TMEM119: variants seen among roughly 807,000 people sequenced by gnomAD.
TMEM119 encodes the protein transmembrane protein 119.
For synonymous variants in TMEM119, 182 were observed against 176.4 expected (o/e 1.03, Z -0.25); for missense variants, 410 against 381.0 (o/e 1.08, Z -0.63).
intron 1 of TMEM119, among the ~76,000 whole-genome samples, chr12:108,597,707 T>A (rs1218186980): frequency 6.6e-5 from 10 of 151,870 alleles, no homozygotes; most frequent in Admixed American, 5.2e-4. Context: ...CAGCCTGGCA[T>A]CCACTTGCAG....
At position 108,592,096 on chromosome 12, in the gene TMEM119, C is replaced by T. The variant is rs1254254528; in HGVS notation, c.288G>A (p.Met96Ile). 1.2e-6 allele frequency: 2 copies of T among 1,614,210 alleles called. No individual in the cohort carries two copies. Among genetic ancestry groups the T allele is most frequent in the East Asian group, 4.5e-5 (2 of 44,862 alleles). ...CCAGGGAGCCCACCACAGCAATCAG[C>T]ATCACGTACTGGCGGAAGAAGTCCA... The part of the protein sequence containing the change: ...GIVDFFRQYV[M>I]LIAVVGSLAF... Residue 96 changes from methionine (M) to isoleucine (I), a missense_variant, in exon 2 of 2, where the codon ATG (methionine) becomes ATA (isoleucine). By Grantham distance (10) the Met-to-Ile change is conservative. Coordinates refer to ENST00000392806, the MANE Select transcript of TMEM119 (RefSeq NM_181724.3). The surrounding 1 kb of genome is among the most constrained non-coding windows in gnomAD (Gnocchi z 4.3).
At chr12:108,595,260 ACACT>A (rs925490465) in intron 1 of TMEM119, among the ~76,000 whole-genome samples, 9 of 151,748 alleles carry the variant, frequency 5.9e-5, no homozygotes, top group African/African-American at 1.7e-4. Flanking sequence ...TACACGCCAC[ACACT>A]CACACACACA....
rs747326951 is a variant in TMEM119 at position 108,592,286 on chromosome 12, G to A, written c.98C>T (p.Thr33Met). 1.7e-5 allele frequency: 28 copies of A among 1,609,340 alleles called. No homozygotes were observed. Among genetic ancestry groups the A allele is most frequent in the Non-Finnish European group, 2.2e-5 (26 of 1,179,022 alleles). ...ACTACCCGCCACATCCTCCAGGAAC[G>A]TGGCCTTCAGGGGCACAGAGCGGGC... ...TDARSVPLKA[T>M]FLEDVAGSGE... Residue 33 changes from threonine to methionine, a missense_variant, in exon 2 of 2, where the codon ACG becomes ATG. By Grantham distance (81) the Thr-to-Met change is moderately conservative. Coordinates refer to ENST00000392806, the MANE Select transcript of TMEM119 (RefSeq NM_181724.3). This position sits in a 1 kb window ranked among gnomAD's most constrained non-coding sequence, Gnocchi z 4.3.
intron 1 of TMEM119, among the ~76,000 whole-genome samples, chr12:108,596,057 C>T (rs1031777153): frequency 1.3e-5 from 2 of 152,184 alleles, no homozygotes; most frequent in South Asian, 4.1e-4. Context: ...TAAGTTGGGA[C>T]AGGGTGACCA....
chr12:108,596,055 GACA>G (rs1280687279), intron 1 of TMEM119, among the ~76,000 whole-genome samples: 6 of 152,222 alleles, frequency 3.9e-5, no homozygotes, highest in African/African-American at 1.4e-4. Context: ...CGTAAGTTGG[GACA>G]GGGTGACCAC....
At chr12:108,596,685 G>A (rs1486093358) in intron 1 of TMEM119, among the ~76,000 whole-genome samples, 1 of 152,234 alleles carries the variant, frequency 6.6e-6, no homozygotes, top group East Asian at 1.9e-4. Context: ...TTTCCCATCT[G>A]TGGAATGAAG....
rs1240687740 is a variant in TMEM119, at chr12:108,589,958, C to T, written c.*1574G>A. 1 of 152,488 alleles carries T rather than the reference C, an allele frequency of 6.6e-6. No individual in the cohort carries two copies. Among genetic ancestry groups the T allele is most frequent in the Non-Finnish European group, 1.5e-5 (1 of 68,274 alleles). 9.4% of individuals were successfully genotyped at this position (152,488 alleles called of 1,614,324 possible). A position where few individuals can be genotyped will look rare whatever the true frequency, so the allele number is the denominator to read the frequency against. ...AGGGATGGGGGAGAGGACCTCCTGC[C>T]AGAGCCTCCCTAAAGCAGGACGGAG... On this transcript the variant is annotated 3_prime_UTR_variant, in exon 2 of 2. Transcript: ENST00000392806.
rs895010006 is a variant in TMEM119, at chr12:108,591,210, C to T, written c.*322G>A. On this transcript the variant is annotated 3_prime_UTR_variant, in exon 2 of 2. Coordinates refer to ENST00000392806, the MANE Select transcript of TMEM119 (RefSeq NM_181724.3). The surrounding 1 kb of genome is among the most constrained non-coding windows in gnomAD (Gnocchi z 4.2). ...AAATGCTGAGATTACAGGTGTGAGCCTCCACACCCAGCCTTGAGGGATGTT... is the reference window on the plus strand; with the variant it reads ...AAATGCTGAGATTACAGGTGTGAGCTTCCACACCCAGCCTTGAGGGATGTT... 2 of 275,998 alleles carry T rather than the reference C, an allele frequency of 7.2e-6. No homozygotes were observed. Among genetic ancestry groups the T allele is most frequent in the Non-Finnish European group, 1.3e-5 (2 of 148,602 alleles). 17.1% of individuals were successfully genotyped at this position (275,998 alleles called of 1,614,324 possible). A position where few individuals can be genotyped will look rare whatever the true frequency, so the allele number is the denominator to read the frequency against.
At position 108,591,507 on chromosome 12, in the gene TMEM119, CAGGGCTGGCAGCCCGGG is replaced by C. The variant is rs780813342; in HGVS notation, c.*8_*24del. ...GGTGACCACTTGGGGGCCCGACAGTCAGGGCTGGCAGCCCGGGAGGACTGTTAGACACTGGGGTGGAC... is the reference window on the plus strand; with the variant it reads ...GGTGACCACTTGGGGGCCCGACAGTCAGGACTGTTAGACACTGGGGTGGAC... On this transcript the variant is annotated 3_prime_UTR_variant, in exon 2 of 2. Coordinates refer to ENST00000392806, the MANE Select transcript of TMEM119 (RefSeq NM_181724.3). The surrounding 1 kb of genome is among the most constrained non-coding windows in gnomAD (Gnocchi z 4.2). The C allele has an allele frequency of 1.1e-5, 17 of 1,549,650 alleles. No individual in the cohort carries two copies. In the South Asian group the frequency reaches 1.9e-4, roughly 18 times the overall value.
At position 108,591,498 on chromosome 12, in the gene TMEM119, C is replaced by T; in HGVS notation, c.*34G>A. The T allele has an allele frequency of 6.5e-7, 1 of 1,538,188 alleles. No individual in the cohort carries two copies. The highest frequency in any genetic ancestry group is 8.7e-7 in the Non-Finnish European group (1 of 1,143,724). ...ACACGGGGAGGTGACCACTTGGGGG[C>T]CCGACAGTCAGGGCTGGCAGCCCGG... is the stretch of plus-strand genomic sequence containing the variant. On this transcript the variant is annotated 3_prime_UTR_variant, in exon 2 of 2. Transcript: ENST00000392806. This position sits in a 1 kb window ranked among gnomAD's most constrained non-coding sequence, Gnocchi z 4.2.
At chr12:108,593,182 G>A (rs1043052799) in intron 1 of TMEM119, among the ~76,000 whole-genome samples, 13 of 152,116 alleles carry the variant, frequency 8.5e-5, no homozygotes, top group African/African-American at 2.7e-4. Context: ...AGTGGCTCAC[G>A]CCTGTAATCC....
intron 1 of TMEM119, among the ~76,000 whole-genome samples, chr12:108,595,822 C>T (rs959852968): frequency 4.5e-4 from 68 of 152,328 alleles, no homozygotes; most frequent in African/African-American, 1.6e-3. Context: ...TACAGACAAC[C>T]TTGAGCTTTG....
At chr12:108,593,438 C>T (rs1355451571) in intron 1 of TMEM119, among the ~76,000 whole-genome samples, 2 of 151,786 alleles carry the variant, frequency 1.3e-5, no homozygotes, top group Admixed American at 6.6e-5. Context: ...AGAGCGAGAA[C>T]CTATCTCAAG....
rs376334414 is a variant in TMEM119, at chr12:108,591,890, G to A, written c.494C>T (p.Ala165Val). ...DRAPDSRPEE[A>V]LDSSRQLQAD... ...CTGGAGCTGCCGGGAGGAATCCAGG[G>A]CTTCCTCGGGCCTGCTGTCGGGGGC... Residue 165 changes from alanine to valine, a missense_variant, in exon 2 of 2, where the codon GCC becomes GTC. Transcript: ENST00000392806. This position sits in a 1 kb window ranked among gnomAD's most constrained non-coding sequence, Gnocchi z 4.2. 6.2e-7 allele frequency: 1 copy of A among 1,611,756 alleles called. No individual in the cohort carries two copies. Among genetic ancestry groups the A allele is most frequent in the Admixed American group, 1.7e-5 (1 of 59,906 alleles).
Position 108,591,745 on chromosome 12 carries a change from C to T in TMEM119, c.639G>A (p.Gln213=), listed in dbSNP as rs574660531. The change falls in exon 2 of 2, where the codon CAG becomes CAA. Residue 213 remains glutamine (Q), a synonymous_variant. Coordinates refer to ENST00000392806, the MANE Select transcript of TMEM119 (RefSeq NM_181724.3). The surrounding 1 kb of genome is among the most constrained non-coding windows in gnomAD (Gnocchi z 4.2). ...GTCCCTGGACTTCCTGGTCCCCCTC[C>T]TGGCTGCCCTTCTCCTCTTCCTCTG... is the stretch of plus-strand genomic sequence containing the variant. The part of the protein sequence containing the change: ...RGAEEEEKGS[Q]EGDQEVQGHG... 8.1e-6 allele frequency: 13 copies of T among 1,603,762 alleles called. No homozygotes were observed. Among genetic ancestry groups the T allele is most frequent in the Admixed American group, 5.1e-5 (3 of 58,878 alleles).
At position 108,592,241 on chromosome 12, in the gene TMEM119, G is replaced by A. The variant is rs73404789; in HGVS notation, c.143C>T (p.Ser48Leu). The A allele has an allele frequency of 4.2e-3, 6,815 of 1,607,170 alleles. 174 individuals are homozygous for A. In the African/African-American group the frequency reaches 0.068, roughly 16 times the overall value. The change falls in exon 2 of 2, where the codon TCG (serine) becomes TTG (leucine). Residue 48 changes from serine (S) to leucine (L), a missense_variant. Physicochemically the swap from Ser to Leu is moderately radical, Grantham distance 145 (BLOSUM62 -2). Transcript: ENST00000392806. The surrounding 1 kb of genome is among the most constrained non-coding windows in gnomAD (Gnocchi z 4.3). ...VAGSGEAEGSSASSPSLPPPW... is the reference protein window; with the variant it reads ...VAGSGEAEGSLASSPSLPPPW... ...TGGCGGGAGGCTCGGGGAGGAGGCC[G>A]ACGAGCCCTCGGCCTCCCCACTACC...
In TMEM119 at chr12:108,591,501, G is replaced by T. The variant is rs906286847; in HGVS notation, c.*31C>A. 1.3e-6 allele frequency: 2 copies of T among 1,541,600 alleles called. No individual in the cohort carries two copies. The highest frequency in any genetic ancestry group is 2.5e-5 in the South Asian group (2 of 80,808). ...CGGGGAGGTGACCACTTGGGGGCCC[G>T]ACAGTCAGGGCTGGCAGCCCGGGAG... is the stretch of plus-strand genomic sequence containing the variant. On this transcript the variant is annotated 3_prime_UTR_variant, in exon 2 of 2. Transcript: ENST00000392806. This position sits in a 1 kb window ranked among gnomAD's most constrained non-coding sequence, Gnocchi z 4.2.
rs2031430575 is a variant in TMEM119 at position 108,592,438 on chromosome 12, T to C, written c.-14-41A>G. 6.7e-7 allele frequency: 1 copy of C among 1,502,336 alleles called. No individual in the cohort carries two copies. Among genetic ancestry groups the C allele is most frequent in the Admixed American group, 2.2e-5 (1 of 44,644 alleles). 93.1% of individuals were successfully genotyped at this position (1,502,336 alleles called of 1,614,324 possible). ...GAGGAGAGAAGTCATGGCGGAACTC[T>C]AGAGTGTCAGGATTCAGAAACAGGC... On this transcript the variant is annotated intron_variant, in intron 1 of 1. Transcript: ENST00000392806. The surrounding 1 kb of genome is among the most constrained non-coding windows in gnomAD (Gnocchi z 4.3).
chr12:108,593,830 G>A (rs1306718834), intron 1 of TMEM119, among the ~76,000 whole-genome samples: 2 of 152,242 alleles, frequency 1.3e-5, no homozygotes, highest in East Asian at 1.9e-4. Context: ...GTGAGCTGGG[G>A]GCTCCCAGCT....
Sources: allele counts gnomAD v4.1 joint callset (sites outside exome capture counted in the v4.1 genomes callset), GRCh38; gene constraint gnomAD v4.1.1; non-coding constraint Gnocchi (gnomAD v3.1); transcripts MANE v1.5; gene names NCBI Gene and HGNC (gene_info 2026-07-23, HGNC 2026-07-21).